Variants in CCPG1 observed in about 807,000 individuals in gnomAD.
The protein encoded by CCPG1 is cell cycle progression protein 1.
Under a neutral mutation model 81.3 loss-of-function variants are expected in CCPG1, and 46 were observed. That is an observed-to-expected ratio of 0.57 (90% CI 0.45 to 0.72). The LOEUF (loss-of-function observed/expected upper bound fraction) is 0.72. Among genes scored for constraint, CCPG1 ranks in the 30% least tolerant of loss-of-function variants. The pLI, the probability that CCPG1 is intolerant of heterozygous loss-of-function variation, is 0.00. For synonymous variants in CCPG1, 330 were observed against 305.2 expected (o/e 1.08, Z -0.85); for missense variants, 902 against 937.6 (o/e 0.96, Z 0.50).
chr15:55,367,285 C>G (rs2056350155), intron 6 of CCPG1, among the ~76,000 whole-genome samples: 1 of 152,122 alleles, frequency 6.6e-6, no homozygotes, highest in Admixed American at 6.5e-5. Context: ...AATTCCTTTG[C>G]CCACTGGAAA....
At chr15:55,397,726 C>T (rs1336888160) in intron 1 of CCPG1, among the ~76,000 whole-genome samples, 1 of 152,096 alleles carries the variant, frequency 6.6e-6, no homozygotes, top group Non-Finnish European at 1.5e-5. Flanking sequence ...CCTGTAATCC[C>T]AGCACTTTGG....
chr15:55,387,724 A>T (rs2141309359), intron 2 of CCPG1, among the ~76,000 whole-genome samples: 1 of 151,668 alleles, frequency 6.6e-6, no homozygotes, highest in Non-Finnish European at 1.5e-5. Context: ...TTGTATTTTT[A>T]GTAGAGACCG....
At chr15:55,396,636 A>T (rs2057022060) in intron 1 of CCPG1, among the ~76,000 whole-genome samples, 1 of 152,232 alleles carries the variant, frequency 6.6e-6, no homozygotes, top group Non-Finnish European at 1.5e-5. Flanking sequence ...CGACAAAAAC[A>T]GTCAAACCCT....
At chr15:55,382,394 A>C (rs769838937) in intron 3 of CCPG1, among the ~76,000 whole-genome samples, 8 of 152,222 alleles carry the variant, frequency 5.3e-5, no homozygotes, top group Non-Finnish European at 1.0e-4. Context: ...ATCTTCACCA[A>C]GAGTAGATTG....
At chr15:55,382,534 G>C (rs1294285742) in intron 3 of CCPG1, among the ~76,000 whole-genome samples, 1 of 143,602 alleles carries the variant, frequency 7.0e-6, no homozygotes, top group Non-Finnish European at 1.5e-5. Flanking sequence ...TTTTGAGACA[G>C]AGTCTCGCTC....
Position 55,359,817 on chromosome 15 carries a change from C to T in CCPG1, c.1956G>A (p.Arg652=), listed in dbSNP as rs2056153505. Residue 652 remains arginine (R), a synonymous_variant, in exon 8 of 9, where the codon AGG becomes AGA. Transcript: ENST00000442196. ...SLFNTVVNPI[R]MDEFRQIIQR... is the part of the protein sequence containing the mutation. The stretch of plus-strand genomic sequence containing the variant: ...GAATTATCTGTCTAAATTCATCCAT[C>T]CTTATAGGATTCACCACTGTGTTAA... 2 of 1,613,378 alleles carry T rather than the reference C, an allele frequency of 1.2e-6. No homozygotes were observed. Among genetic ancestry groups the T allele is most frequent in the East Asian group, 4.5e-5 (2 of 44,852 alleles).
intron 5 of CCPG1, among the ~76,000 whole-genome samples, chr15:55,374,925 A>G (rs1452866955): frequency 1.3e-5 from 2 of 152,344 alleles, no homozygotes; most frequent in South Asian, 2.1e-4. Context: ...TCAGTCTCCC[A>G]AAGTGCAGGG....
Position 55,355,459 on chromosome 15 carries a change from G to A in CCPG1, c.*761C>T. The A allele has an allele frequency of 1.3e-6, 2 of 1,578,330 alleles. No homozygotes were observed. Among genetic ancestry groups the A allele is most frequent in the South Asian group, 1.1e-5 (1 of 87,286 alleles). On this transcript the variant is annotated 3_prime_UTR_variant, in exon 9 of 9. Transcript: ENST00000442196. ...CTTTCCTAGATAAATTAACATTGCT[G>A]GGTGGAAATATTCAGATGCTGCTTA...
chr15:55,378,391 A>AGATCAATATAATTATTTCTTAATTT lies in CCPG1; in HGVS notation c.176-40_176-16dup. Reference sequence around the variant, plus strand: ...TTGGCTGCTTTCTGATATAAAGCAAAGATCAATATAATTATTTCTTAATTT... The same window carrying AGATCAATATAATTATTTCTTAATTT: ...TTGGCTGCTTTCTGATATAAAGCAAAGATCAATATAATTATTTCTTAATTTGATCAATATAATTATTTCTTAATTT... On this transcript the variant is annotated splice_polypyrimidine_tract_variant and intron_variant, in intron 3 of 8. Coordinates refer to ENST00000442196, the MANE Select transcript of CCPG1 (RefSeq NM_001204450.2). The AGATCAATATAATTATTTCTTAATTT allele has an allele frequency of 1.3e-6, 2 of 1,515,884 alleles. No individual in the cohort carries two copies. The highest frequency in any genetic ancestry group is 9.1e-7 in the Non-Finnish European group (1 of 1,097,082). 93.9% of individuals were successfully genotyped at this position (1,515,884 alleles called of 1,614,324 possible). A position where few individuals can be genotyped will look rare whatever the true frequency, so the allele number is the denominator to read the frequency against.
rs1232130528 is a variant in CCPG1, at chr15:55,360,293, C to T, written c.1480G>A (p.Asp494Asn). The T allele has an allele frequency of 6.2e-7, 1 of 1,613,874 alleles. No individual in the cohort carries two copies. The highest frequency in any genetic ancestry group is 8.5e-7 in the Non-Finnish European group (1 of 1,179,990). Residue 494 changes from aspartate (D) to asparagine (N), a missense_variant, in exon 8 of 9, where the codon GAT (aspartate) becomes AAT (asparagine). Physicochemically the swap from Asp to Asn is conservative, Grantham distance 23. Coordinates refer to ENST00000442196, the MANE Select transcript of CCPG1 (RefSeq NM_001204450.2). ...TFLGSVKETF[D>N]AMKNSTKEFV... ...TCCTTGGTAGAATTCTTCATGGCAT[C>T]AAATGTTTCCTTAACTGAACCCAAA... is the stretch of plus-strand genomic sequence containing the variant.
intron 5 of CCPG1, chr15:55,372,644 G>A (rs2056476834): frequency 4.3e-6 from 1 of 233,772 alleles, no homozygotes; most frequent in Non-Finnish European, 8.5e-6. Flanking sequence ...GGGAGACAGA[G>A]CAAAACTCTG....
At chr15:55,381,301 G>A (rs1162904716) in intron 3 of CCPG1, among the ~76,000 whole-genome samples, 2 of 151,232 alleles carry the variant, frequency 1.3e-5, no homozygotes, top group African/African-American at 2.4e-5. Flanking sequence ...AAAAATAGCT[G>A]GGCATAGTGG....
intron 1 of CCPG1, chr15:55,407,707 C>T (rs139978107): frequency 6.6e-6 from 1 of 152,294 alleles, no homozygotes; most frequent in Non-Finnish European, 1.5e-5. Context: ...ATTTGATCAT[C>T]ATCAGGCTGG....
chr15:55,361,089 A>G, intron 7 of CCPG1, 145 bp from the exon 8 acceptor site: 1 of 857,230 alleles, frequency 1.2e-6, no homozygotes, highest in Non-Finnish European at 1.6e-6. Context: ...AATAGTATAA[A>G]CATTGGGAAA....
intron 1 of CCPG1, among the ~76,000 whole-genome samples, chr15:55,396,795 C>T (rs1275774256): frequency 6.6e-6 from 1 of 152,142 alleles, no homozygotes; most frequent in Non-Finnish European, 1.5e-5. Context: ...ATACAGTTAA[C>T]TGGAGGAAGA....
At chr15:55,406,485 T>G (rs1470429965) in intron 1 of CCPG1, among the ~76,000 whole-genome samples, 1 of 144,144 alleles carries the variant, frequency 6.9e-6, no homozygotes, top group Non-Finnish European at 1.5e-5. Flanking sequence ...ATAATCTCAC[T>G]CTGTCACCCA....
intron 1 of CCPG1, among the ~76,000 whole-genome samples, chr15:55,396,906 A>C (rs2057027404): frequency 6.6e-6 from 1 of 152,098 alleles, no homozygotes; most frequent in South Asian, 2.1e-4. Context: ...GAGGAGGAAA[A>C]GATTAAACAC....
Position 55,385,650 on chromosome 15 carries a change from C to T in CCPG1, c.125G>A (p.Cys42Tyr), listed in dbSNP as rs200733892. 116 of 1,612,092 alleles carry T rather than the reference C, an allele frequency of 7.2e-5. No individual in the cohort carries two copies. The highest frequency in any genetic ancestry group is 6.6e-4 in the Middle Eastern group (4 of 6,070). ...AAGCTCCTCTTGCTCTAAAGATGAA[C>T]ATTCTGGGGCGGGCTCACAGCTGTC... ...PTDSCEPAPECSSLEQEELQA... is the reference protein window; with the variant it reads ...PTDSCEPAPEYSSLEQEELQA... The change falls in exon 3 of 9, where the codon TGT becomes TAT. Residue 42 changes from cysteine to tyrosine, a missense_variant. Cys to Tyr is a radical substitution (Grantham distance 194, BLOSUM62 -2). This residue lies in a region of CCPG1 where 746 missense variants were observed against 728.6 expected (regional missense o/e 1.02). Coordinates refer to ENST00000442196, the MANE Select transcript of CCPG1 (RefSeq NM_001204450.2).
At position 55,355,492 on chromosome 15, in the gene CCPG1, C is replaced by T. The variant is rs191218911; in HGVS notation, c.*728G>A. The T allele has an allele frequency of 3.8e-4, 512 of 1,352,148 alleles. 6 individuals are homozygous for T. The African/African-American group carries it at 6.0e-3, about 16-fold the overall frequency. 83.8% of individuals were successfully genotyped at this position (1,352,148 alleles called of 1,614,324 possible). A position where few individuals can be genotyped will look rare whatever the true frequency, so the allele number is the denominator to read the frequency against. ...ATATTCAGATGCTGCTTAAATACTT[C>T]GGTAAACACTGGGTAAGATTCATGG... On this transcript the variant is annotated 3_prime_UTR_variant, in exon 9 of 9. Transcript: ENST00000442196.
Sources: allele counts gnomAD v4.1 joint callset (sites outside exome capture counted in the v4.1 genomes callset), GRCh38; gene constraint gnomAD v4.1.1; regional missense constraint gnomAD v4.1.1; transcripts MANE v1.5; gene names NCBI Gene and HGNC (gene_info 2026-07-23, HGNC 2026-07-21).